Variants in EMID1 observed in about 807,000 individuals in gnomAD.
EMID1 encodes EMI domain containing 1.
In EMID1, 40 loss-of-function variants were observed where a neutral mutation model predicts 60.6. That is an observed-to-expected ratio of 0.66 (90% confidence interval 0.51 to 0.86). The LOEUF (loss-of-function observed/expected upper bound fraction) is 0.86, where lower values mean the gene tolerates loss of function less well. Ranked by LOEUF, EMID1 falls within the 40% of genes least tolerant of loss-of-function variation. The probability of loss-of-function intolerance (pLI) is 0.00; values close to 1 mark genes in which losing one functional copy is unlikely to be tolerated. For missense variants in EMID1, 585 were observed against 597.1 expected, an observed-to-expected ratio of 0.98 and a Z score of 0.21; for synonymous variants, 242 against 231.0, an observed-to-expected ratio of 1.05 and a Z score of -0.43.
intron 8 of EMID1, 130 bp from the exon 9 acceptor site, chr22:29,233,249 C>T: frequency 1.1e-6 from 1 of 903,390 alleles, no homozygotes; most frequent in Non-Finnish European, 1.8e-6. Flanking sequence ...GGAGCAGGTG[C>T]CCAGGTGGTA....
chr22:29,219,394 A>G (rs2040206474), intron 3 of EMID1, among the ~76,000 whole-genome samples: 1 of 151,874 alleles, frequency 6.6e-6, no homozygotes, highest in African/African-American at 2.4e-5. Flanking sequence ...CCCAGCATAC[A>G]TATTCCTTCC....
At chr22:29,218,606 A>T (rs1029732744) in intron 3 of EMID1, among the ~76,000 whole-genome samples, 5 of 152,228 alleles carry the variant, frequency 3.3e-5, no homozygotes, top group Admixed American at 1.3e-4. Flanking sequence ...ATCAGAAACA[A>T]TGGGTGAGGA....
chr22:29,233,020 C>G, intron 8 of EMID1: 1 of 292,442 alleles, frequency 3.4e-6, no homozygotes. Context: ...GTGCCAGCCT[C>G]CCAGAGCTGC....
At chr22:29,233,348 C>A (rs539294230) in intron 8 of EMID1, 31 bp from the exon 9 acceptor site, 17 of 1,611,400 alleles carry the variant, frequency 1.1e-5, no homozygotes, top group Non-Finnish European at 8.5e-6. Flanking sequence ...CTCTACCCAG[C>A]TCTACTCACT....
At chr22:29,225,761 G>A (rs369298706) in intron 4 of EMID1, among the ~76,000 whole-genome samples, 1 of 152,234 alleles carries the variant, frequency 6.6e-6, no homozygotes, top group Non-Finnish European at 1.5e-5. Flanking sequence ...GTCCTCAGGT[G>A]TGAACAGGGG....
rs373358101 is a variant in EMID1 at position 29,225,073 on chromosome 22, AG to A, written c.320-54del. ...CCCTGCTGGGGCTACAGTGGTGGGC[AG>A]GGGGGCCTGAGGAGGCAAGGATCAC... On this transcript the variant is annotated intron_variant, in intron 3 of 14. Transcript: ENST00000334018. 2.2e-4 allele frequency: 344 copies of A among 1,540,152 alleles called. 2 individuals carry two copies. The East Asian group carries it at 3.7e-3, about 16-fold the overall frequency.
intron 14 of EMID1, chr22:29,255,480 C>T: frequency 1.5e-6 from 1 of 682,686 alleles, no homozygotes. Flanking sequence ...CATTCTTCAT[C>T]CAGCCAGCCA....
At chr22:29,221,209 C>T (rs1000304987) in intron 3 of EMID1, among the ~76,000 whole-genome samples, 2 of 150,602 alleles carry the variant, frequency 1.3e-5, no homozygotes, top group Non-Finnish European at 3.0e-5. Flanking sequence ...GTCCTGGGAC[C>T]AGCCTTCAGG....
In EMID1 at chr22:29,215,632, T is replaced by G. The variant is rs1375147309; in HGVS notation, c.319+2T>G. The G allele has an allele frequency of 6.2e-7, 1 of 1,613,526 alleles. No homozygotes were observed. The highest frequency in any genetic ancestry group is 1.7e-5 in the Admixed American group (1 of 60,008). On this transcript the variant is annotated splice_donor_variant, in intron 3 of 14. Transcript: ENST00000334018. LOFTEE classifies it high-confidence loss of function. ...ACTCAGGAGTGAGCTGCGAGGAAGGTAGGACTGCCCGGCCGGCTCCCGGAG... is the reference window on the plus strand; with the variant it reads ...ACTCAGGAGTGAGCTGCGAGGAAGGGAGGACTGCCCGGCCGGCTCCCGGAG...
Position 29,258,873 on chromosome 22 carries a change from C to CG in EMID1, c.1265dup (p.Lys423GlnfsTer66), listed in dbSNP as rs1569014628. 6.2e-7 allele frequency: 1 copy of CG among 1,613,266 alleles called. No homozygotes were observed. Among genetic ancestry groups the CG allele is most frequent in the South Asian group, 1.1e-5 (1 of 91,070 alleles). The stretch of plus-strand genomic sequence containing the variant: ...CGGCACAGGCACCCCCAGCCTCCTT[C>CG]GGGGCAAGAGGGGCGGACATGCAAC... On this transcript the variant is annotated frameshift_variant, in exon 15 of 15. Coordinates refer to ENST00000334018, the MANE Select transcript of EMID1 (RefSeq NM_133455.4). LOFTEE classifies it high-confidence loss of function.
At chr22:29,215,911 A>G (rs1000297295) in intron 3 of EMID1, among the ~76,000 whole-genome samples, 8 of 152,068 alleles carry the variant, frequency 5.3e-5, no homozygotes, top group Non-Finnish European at 1.2e-4. Flanking sequence ...TTTCCTCCAC[A>G]CTCGGGGAAA....
chr22:29,258,257 G>A (rs577655107), intron 14 of EMID1, among the ~76,000 whole-genome samples: 8 of 152,306 alleles, frequency 5.3e-5, no homozygotes, highest in Non-Finnish European at 7.4e-5. Flanking sequence ...CCTACCCTTG[G>A]TTTTGAAGGA....
chr22:29,223,922 T>A (rs2040397123), intron 3 of EMID1, among the ~76,000 whole-genome samples: 2 of 152,242 alleles, frequency 1.3e-5, no homozygotes, highest in African/African-American at 4.8e-5. Flanking sequence ...CTTGTAGGAT[T>A]GAGCCAGGCT....
rs373030911 is a variant in EMID1 at position 29,232,318 on chromosome 22, G to A, written c.739G>A (p.Gly247Arg). Residue 247 changes from glycine (G) to arginine (R), a missense_variant, in exon 8 of 15, where the codon GGA (glycine) becomes AGA (arginine). Transcript: ENST00000334018. The stretch of plus-strand genomic sequence containing the variant: ...AGCTGTGGGCACCCCTGGAGAGAGG[G>A]GACCTCCTGGGCCACCAGGGCCTCC... ...AGAVGTPGERGPPGPPGPPGP... is the reference protein window; with the variant it reads ...AGAVGTPGERRPPGPPGPPGP... The A allele has an allele frequency of 5.2e-5, 84 of 1,610,532 alleles. No homozygotes were observed. The highest frequency in any genetic ancestry group is 7.0e-5 in the Non-Finnish European group (82 of 1,179,446).
Position 29,215,585 on chromosome 22 carries a change from G to A in EMID1, c.274G>A (p.Glu92Lys), listed in dbSNP as rs1568970336. 1.2e-6 allele frequency: 2 copies of A among 1,614,044 alleles called. No homozygotes were observed. Among genetic ancestry groups the A allele is most frequent in the Non-Finnish European group, 1.7e-6 (2 of 1,180,012 alleles). ...KVMYKIVTAR[E>K]WRCCPGHSGV... is the part of the protein sequence containing the mutation. ...GATGTACAAGATAGTGACCGCCCGT[G>A]AGTGGAGGTGCTGCCCTGGGCACTC... Residue 92 changes from glutamate to lysine, a missense_variant, in exon 3 of 15, where the codon GAG becomes AAG. Physicochemically the swap from Glu to Lys is moderately conservative, Grantham distance 56. Transcript: ENST00000334018.
chr22:29,232,434 G>T (rs915063079), intron 8 of EMID1, 32 bp downstream of exon 8: 5 of 1,523,990 alleles, frequency 3.3e-6, no homozygotes, highest in Non-Finnish European at 3.5e-6. Flanking sequence ...GCAGGTGGAG[G>T]TGGGGGTGGA....
chr22:29,237,216 T>C (rs1391076095), intron 12 of EMID1, among the ~76,000 whole-genome samples: 1 of 139,088 alleles, frequency 7.2e-6, no homozygotes, highest in Non-Finnish European at 1.5e-5. Flanking sequence ...AGAGTCTTGC[T>C]CTGTCACCCA....
chr22:29,218,517 A>G (rs1340655665), intron 3 of EMID1, among the ~76,000 whole-genome samples: 1 of 152,108 alleles, frequency 6.6e-6, no homozygotes, highest in African/African-American at 2.4e-5. Flanking sequence ...GACCTGTCTG[A>G]GCAAGCTTCT....
intron 5 of EMID1, among the ~76,000 whole-genome samples, chr22:29,229,629 G>A (rs2040654043): frequency 7.6e-6 from 1 of 130,966 alleles, no homozygotes; most frequent in Admixed American, 8.2e-5. Flanking sequence ...GGCAACAAGA[G>A]CAAAACTCCA....
Sources: allele counts gnomAD v4.1 joint callset (sites outside exome capture counted in the v4.1 genomes callset), GRCh38; gene constraint gnomAD v4.1.1; transcripts MANE v1.5; gene names NCBI Gene and HGNC (gene_info 2026-07-23, HGNC 2026-07-21).